The following LRBA variants were observed in gnomAD, a reference collection of about 807,000 sequenced individuals.
LRBA encodes the protein LPS responsive beige-like anchor protein, also known as lipopolysaccharide-responsive and beige-like anchor protein.
In LRBA, 176 loss-of-function variants were observed where a neutral mutation model predicts 330.0. The ratio of observed to expected loss-of-function variants is 0.53; its 90% CI spans 0.47 to 0.60. The LOEUF (loss-of-function observed/expected upper bound fraction) is 0.60. Ranked by LOEUF, LRBA falls within the 20% of genes least tolerant of loss-of-function variation. The probability of loss-of-function intolerance (pLI) is 0.00; values close to 1 mark genes in which losing one functional copy is unlikely to be tolerated. For synonymous variants in LRBA, 1,230 were observed against 1,193.0 expected (o/e 1.03, Z -0.64); for missense variants, 3,259 against 3,444.8 (o/e 0.95, Z 1.35).
At chr4:150,892,727 A>T (rs1199566437) in intron 17 of LRBA, among the ~76,000 whole-genome samples, 1 of 152,222 alleles carries the variant, frequency 6.6e-6, no homozygotes, top group East Asian at 1.9e-4. Flanking sequence ...TTTCAATTGA[A>T]CACTATTTAA....
chr4:150,835,435 G>A (rs977411195), intron 28 of LRBA, among the ~76,000 whole-genome samples: 2 of 152,194 alleles, frequency 1.3e-5, no homozygotes, highest in Non-Finnish European at 2.9e-5. Context: ...TCCTATCCAT[G>A]AGCATGGAAT....
At chr4:150,762,969 T>C (rs1250013510) in intron 34 of LRBA, among the ~76,000 whole-genome samples, 1 of 151,986 alleles carries the variant, frequency 6.6e-6, no homozygotes, top group African/African-American at 2.4e-5. Context: ...TACCTTCTCT[T>C]TTCCATGTCC....
chr4:150,844,771 C>A lies in LRBA; in HGVS notation c.4348G>T (p.Val1450Phe). ...LRQCLRLVCA[V>F]AVRNCLECQQ... Reference sequence around the variant, plus strand: ...CACTCCAAGCAATTCCTTACTGCGACTGCACAAACTGTAATTTATTTTAAG... The same window carrying A: ...CACTCCAAGCAATTCCTTACTGCGAATGCACAAACTGTAATTTATTTTAAG... The change falls in exon 27 of 57, where the codon GTC (valine) becomes TTC (phenylalanine). Residue 1450 changes from valine to phenylalanine, a missense_variant. Val to Phe is a conservative substitution (Grantham distance 50, BLOSUM62 -1). Coordinates refer to ENST00000651943, the MANE Select transcript of LRBA (RefSeq NM_001364905.1). The A allele has an allele frequency of 1.2e-6, 2 of 1,609,078 alleles. No individual in the cohort carries two copies. Among genetic ancestry groups the A allele is most frequent in the Non-Finnish European group, 1.7e-6 (2 of 1,178,056 alleles).
intron 37 of LRBA, among the ~76,000 whole-genome samples, chr4:150,619,047 A>G (rs772553773): frequency 6.6e-5 from 10 of 152,204 alleles, no homozygotes; most frequent in Middle Eastern, 3.4e-3. Flanking sequence ...AAAATGCATT[A>G]AATTTTAAAA....
chr4:150,666,559 C>A (rs1052272312), intron 37 of LRBA, among the ~76,000 whole-genome samples: 5 of 151,998 alleles, frequency 3.3e-5, no homozygotes, highest in African/African-American at 1.2e-4. Context: ...GTAAAACAAC[C>A]ATTTACATAG....
intron 35 of LRBA, among the ~76,000 whole-genome samples, chr4:150,743,068 A>C (rs1732232998): frequency 6.6e-6 from 1 of 152,134 alleles, no homozygotes; most frequent in Non-Finnish European, 1.5e-5. Flanking sequence ...CCTGGGTACA[A>C]GTGATTATCA....
chr4:150,433,579 G>C (rs1750714541), intron 46 of LRBA, among the ~76,000 whole-genome samples: 1 of 151,914 alleles, frequency 6.6e-6, no homozygotes, highest in Non-Finnish European at 1.5e-5. Context: ...ATTTGGTCAT[G>C]AGATGCTTAA....
At chr4:150,444,546 T>C (rs1581332295) in intron 44 of LRBA, among the ~76,000 whole-genome samples, 1 of 152,196 alleles carries the variant, frequency 6.6e-6, no homozygotes, top group African/African-American at 2.4e-5. Flanking sequence ...TTATATGCTA[T>C]ATAAGGCCGA....
intron 53 of LRBA, among the ~76,000 whole-genome samples, chr4:150,297,322 G>C (rs1729097052): frequency 6.6e-6 from 1 of 152,110 alleles, no homozygotes; most frequent in South Asian, 2.1e-4. Context: ...TCTACTATTA[G>C]TTACAAGCAG....
chr4:150,518,132 T>C (rs912987881), intron 40 of LRBA, among the ~76,000 whole-genome samples: 2 of 152,190 alleles, frequency 1.3e-5, no homozygotes, highest in African/African-American at 2.4e-5. Context: ...CTTTAGCATA[T>C]CTCAATTGCC....
At chr4:150,334,728 T>C (rs898401365) in intron 48 of LRBA, among the ~76,000 whole-genome samples, 1 of 149,670 alleles carries the variant, frequency 6.7e-6, no homozygotes, top group African/African-American at 2.5e-5. Context: ...GAAATAAGCA[T>C]AACAAAACAA....
chr4:150,840,287 C>T (rs996325033), intron 28 of LRBA, among the ~76,000 whole-genome samples: 4 of 152,202 alleles, frequency 2.6e-5, no homozygotes, highest in Non-Finnish European at 5.9e-5. Flanking sequence ...GCCTTCACAA[C>T]TTGGCTAAAT....
At chr4:150,310,465 T>A (rs1730916129) in intron 51 of LRBA, 81 bp from the exon 52 acceptor site, 2 of 873,048 alleles carry the variant, frequency 2.3e-6, no homozygotes, top group Non-Finnish European at 3.6e-6. Context: ...AGGAGACACA[T>A]TCCCAGATAA....
At chr4:150,759,180 T>C (rs1734734986) in intron 35 of LRBA, among the ~76,000 whole-genome samples, 1 of 152,190 alleles carries the variant, frequency 6.6e-6, no homozygotes, top group African/African-American at 2.4e-5. Context: ...CCTCCGAAAG[T>C]GCTGGGATTA....
At chr4:150,948,378 A>G (rs1440503326) in intron 2 of LRBA, among the ~76,000 whole-genome samples, 1 of 152,092 alleles carries the variant, frequency 6.6e-6, no homozygotes, top group African/African-American at 2.4e-5. Context: ...TTCAAGGGAG[A>G]AAGAAGAGTC....
chr4:150,321,142 C>CA lies in LRBA; in HGVS notation c.7630+48dup. ...ATATGCTATATTTAAGTGGGTATTA[C>CA]ACAGTGTTCAGCAGTTACCATGCCT... is the stretch of plus-strand genomic sequence containing the variant. On this transcript the variant is annotated intron_variant, in intron 50 of 56. Transcript: ENST00000651943. This position sits in a 1 kb window ranked among gnomAD's most constrained non-coding sequence, Gnocchi z 4.5. The CA allele has an allele frequency of 6.8e-7, 1 of 1,477,944 alleles. No individual in the cohort carries two copies. The highest frequency in any genetic ancestry group is 9.3e-7 in the Non-Finnish European group (1 of 1,078,670). The allele number at this position is 1,477,944 out of a possible 1,614,324, so 91.6% of individuals were successfully genotyped here.
At chr4:150,741,589 A>T (rs1406587450) in intron 35 of LRBA, among the ~76,000 whole-genome samples, 1 of 152,208 alleles carries the variant, frequency 6.6e-6, no homozygotes, top group East Asian at 1.9e-4. Flanking sequence ...ATTATTTACA[A>T]TAGCCAAACA....
intron 35 of LRBA, among the ~76,000 whole-genome samples, chr4:150,744,048 G>T (rs187556805): frequency 2.0e-5 from 3 of 152,070 alleles, no homozygotes; most frequent in Non-Finnish European, 2.9e-5. Flanking sequence ...TGATTTTGGG[G>T]TGACATCATC....
At chr4:150,795,713 T>C (rs1461662907) in intron 34 of LRBA, among the ~76,000 whole-genome samples, 2 of 151,880 alleles carry the variant, frequency 1.3e-5, no homozygotes, top group Non-Finnish European at 1.5e-5. Context: ...GGTAAATGAG[T>C]GGACATTGAA....
Sources: allele counts gnomAD v4.1 joint callset (sites outside exome capture counted in the v4.1 genomes callset), GRCh38; gene constraint gnomAD v4.1.1; non-coding constraint Gnocchi (gnomAD v3.1); transcripts MANE v1.5; gene names NCBI Gene and HGNC (gene_info 2026-07-23, HGNC 2026-07-21).